Variants in UNC5C observed in about 807,000 individuals in gnomAD.
The protein encoded by UNC5C is unc-5 netrin receptor C.
In UNC5C, 47 loss-of-function variants were observed where a neutral mutation model predicts 99.8. That is an observed-to-expected ratio of 0.47 (90% confidence interval 0.37 to 0.60). The LOEUF (loss-of-function observed/expected upper bound fraction) is 0.60. UNC5C is among the 20% of genes least tolerant of loss of function. The pLI is 0.00. For synonymous variants in UNC5C, 487 were observed against 452.2 expected, an observed-to-expected ratio of 1.08 and a Z score of -0.98; for missense variants, 1,062 against 1,165.9, an observed-to-expected ratio of 0.91 and a Z score of 1.30.
intron 1 of UNC5C, among the ~76,000 whole-genome samples, chr4:95,501,714 A>G (rs958704137): frequency 6.6e-6 from 1 of 152,174 alleles, no homozygotes; most frequent in Non-Finnish European, 1.5e-5. Context: ...GAATCCAGGA[A>G]CACATATAAA....
At chr4:95,517,068 C>G (rs1216526086) in intron 1 of UNC5C, among the ~76,000 whole-genome samples, 3 of 152,082 alleles carry the variant, frequency 2.0e-5, no homozygotes, top group African/African-American at 7.2e-5. Flanking sequence ...AATTTTGTTT[C>G]TTTTTCTCAA....
intron 5 of UNC5C, chr4:95,248,289 A>G (rs1437767836): frequency 1.2e-5 from 3 of 260,328 alleles, no homozygotes; most frequent in South Asian, 3.7e-5. Context: ...AATTTACTTA[A>G]TATAACTTTT....
intron 4 of UNC5C, among the ~76,000 whole-genome samples, chr4:95,271,985 G>A (rs1015453200): frequency 2.6e-5 from 4 of 152,108 alleles, no homozygotes; most frequent in Non-Finnish European, 5.9e-5. Context: ...ATCACCTGGA[G>A]CTTTCTTACT....
chr4:95,267,677 T>C (rs1328202027), intron 4 of UNC5C, among the ~76,000 whole-genome samples: 1 of 152,144 alleles, frequency 6.6e-6, no homozygotes, highest in Non-Finnish European at 1.5e-5. Flanking sequence ...GTGTCTTCCT[T>C]ATACTTTTAG....
chr4:95,483,285 G>T (rs1263925569), intron 1 of UNC5C, among the ~76,000 whole-genome samples: 2 of 151,650 alleles, frequency 1.3e-5, no homozygotes, highest in African/African-American at 2.4e-5. Context: ...ACTTAAAAGG[G>T]TATTAATATT....
At chr4:95,485,383 T>C (rs995369971) in intron 1 of UNC5C, among the ~76,000 whole-genome samples, 5 of 151,794 alleles carry the variant, frequency 3.3e-5, no homozygotes, top group African/African-American at 1.2e-4. Flanking sequence ...AGGAAACGTG[T>C]AGTAAAGAGA....
At chr4:95,481,964 A>C (rs564555821) in intron 1 of UNC5C, among the ~76,000 whole-genome samples, 2,233 of 151,880 alleles carry the variant, frequency 0.015, 32 homozygotes, top group East Asian at 0.07. Flanking sequence ...GACTTCATGT[A>C]TAAAACACCA....
rs1395400530 is a variant in UNC5C at position 95,447,499 on chromosome 4, A to T, written c.124+101235T>A. 5.9e-5 allele frequency among the ~76,000 whole-genome samples: 9 copies of T among 152,060 alleles called. No homozygotes were observed. In the East Asian group the frequency reaches 9.7e-4, roughly 16 times the overall value. On this transcript the variant is annotated intron_variant, in intron 1 of 15. Transcript: ENST00000453304. The stretch of plus-strand genomic sequence containing the variant: ...TCAGGCCTGCCTAATTTTATTATTT[A>T]TTTATTTTTTTATTTATTTGAGACG...
chr4:95,385,305 T>C (rs1745183783), intron 1 of UNC5C, among the ~76,000 whole-genome samples: 2 of 152,238 alleles, frequency 1.3e-5, no homozygotes, highest in Non-Finnish European at 2.9e-5. Context: ...GGTAGATGAC[T>C]ACTTGCAGAA....
At chr4:95,421,411 G>T (rs1746315827) in intron 1 of UNC5C, among the ~76,000 whole-genome samples, 1 of 151,880 alleles carries the variant, frequency 6.6e-6, no homozygotes, top group Non-Finnish European at 1.5e-5. Context: ...AATTGGAAAA[G>T]TAAAAATAAA....
intron 1 of UNC5C, among the ~76,000 whole-genome samples, chr4:95,504,630 G>A (rs1397603305): frequency 1.3e-5 from 2 of 151,996 alleles, no homozygotes; most frequent in African/African-American, 4.8e-5. Context: ...AAAAACACAC[G>A]TCACTTCAGG....
intron 1 of UNC5C, among the ~76,000 whole-genome samples, chr4:95,405,499 T>A (rs1044002023): frequency 6.6e-6 from 1 of 152,212 alleles, no homozygotes; most frequent in Non-Finnish European, 1.5e-5. Context: ...TGGGTGGTTA[T>A]CATCAGCTGC....
At chr4:95,171,466 C>CA in intron 14 of UNC5C, among the ~76,000 whole-genome samples, 1 of 150,836 alleles carries the variant, frequency 6.6e-6, no homozygotes, top group East Asian at 2.0e-4. Context: ...GTTCAATTCC[C>CA]CCGTGAGTGA....
intron 3 of UNC5C, among the ~76,000 whole-genome samples, chr4:95,283,459 G>A (rs1225968406): frequency 1.3e-5 from 2 of 152,180 alleles, no homozygotes; most frequent in African/African-American, 2.4e-5. Flanking sequence ...TGTGTAATGA[G>A]CATAGGATAT....
chr4:95,232,169 A>G (rs1268941627), intron 7 of UNC5C, among the ~76,000 whole-genome samples: 1 of 151,746 alleles, frequency 6.6e-6, no homozygotes, highest in Non-Finnish European at 1.5e-5. Context: ...CAGCTACTCA[A>G]GTGTTTTTAT....
intron 1 of UNC5C, among the ~76,000 whole-genome samples, chr4:95,461,208 A>G (rs1471191830): frequency 6.6e-6 from 1 of 152,170 alleles, no homozygotes; most frequent in Admixed American, 6.5e-5. Flanking sequence ...TTTTTCCTCC[A>G]AGGATAGTGC....
chr4:95,449,045 T>C lies in UNC5C; in HGVS notation c.124+99689A>G, dbSNP rs114445103. 5.9e-3 allele frequency among the ~76,000 whole-genome samples: 905 copies of C among 152,130 alleles called. 8 individuals are homozygous for C. The highest frequency in any genetic ancestry group is 0.017 in the South Asian group (80 of 4,818). On this transcript the variant is annotated intron_variant, in intron 1 of 15. Coordinates refer to ENST00000453304, the MANE Select transcript of UNC5C (RefSeq NM_003728.4). ...CCCACACATCCCCACATACTGATTA[T>C]GCAAACTTGCTCCTACTGGGAAAAA...
At chr4:95,397,059 G>A (rs746387451) in intron 1 of UNC5C, among the ~76,000 whole-genome samples, 284 of 152,166 alleles carry the variant, frequency 1.9e-3, no homozygotes, top group Non-Finnish European at 3.4e-3. Flanking sequence ...GAAGGGGCAG[G>A]GAAAAAAGGA....
At chr4:95,175,848 T>G (rs1179557624) in intron 14 of UNC5C, among the ~76,000 whole-genome samples, 1 of 151,900 alleles carries the variant, frequency 6.6e-6, no homozygotes, top group Non-Finnish European at 1.5e-5. Context: ...TTTTCCAACT[T>G]GGTTCCATTC....
Sources: allele counts gnomAD v4.1 joint callset (sites outside exome capture counted in the v4.1 genomes callset), GRCh38; gene constraint gnomAD v4.1.1; transcripts MANE v1.5; gene names NCBI Gene and HGNC (gene_info 2026-07-23, HGNC 2026-07-21).